Variants in PCCA observed in about 807,000 individuals in gnomAD.
PCCA encodes the protein propionyl-CoA carboxylase alpha chain, mitochondrial.
Under a neutral mutation model 101.3 loss-of-function variants are expected in PCCA, and 74 were observed. That is an observed-to-expected ratio of 0.73 (90% confidence interval 0.61 to 0.89). PCCA has a LOEUF of 0.89. Among genes scored for constraint, PCCA ranks in the 40% least tolerant of loss-of-function variants. The pLI is 0.00. For missense variants in PCCA, 891 were observed against 907.0 expected (o/e 0.98, Z 0.23); for synonymous variants, 294 against 313.6 (o/e 0.94, Z 0.66).
chr13:100,111,773 G>C, intron 2 of PCCA, 68 bp from the exon 3 acceptor site: 2 of 1,073,288 alleles, frequency 1.9e-6, no homozygotes, highest in South Asian at 1.3e-5. Context: ...AAAACTTGGT[G>C]TTTTTTGGTC....
At chr13:100,526,508 CG>C (rs535924056) in intron 22 of PCCA, among the ~76,000 whole-genome samples, 71 of 152,280 alleles carry the variant, frequency 4.7e-4, no homozygotes, top group African/African-American at 1.7e-3. Context: ...TTGCGCCACA[CG>C]GGGGGGCCAG....
rs762657984 is a variant in PCCA, at chr13:100,209,485, T to C, written c.600+22T>C. 1.9e-6 allele frequency: 3 copies of C among 1,599,574 alleles called. No homozygotes were observed. In the African/African-American group the frequency reaches 4.0e-5, roughly 21 times the overall value. ...CAAGGTGAGAAGCTACTTTAACTTT[T>C]ATTGTATATGTCTTCAAGTTAAACA... On this transcript the variant is annotated intron_variant, in intron 7 of 23. Coordinates refer to ENST00000376285, the MANE Select transcript of PCCA (RefSeq NM_000282.4).
intron 2 of PCCA, among the ~76,000 whole-genome samples, chr13:100,110,471 G>A (rs544646974): frequency 1.3e-5 from 2 of 152,300 alleles, no homozygotes; most frequent in South Asian, 4.1e-4. Flanking sequence ...GGTCATTAGT[G>A]GCAAAGCTGG....
At chr13:100,368,390 C>A in intron 18 of PCCA, 82 bp from the exon 19 acceptor site, 2 of 793,574 alleles carry the variant, frequency 2.5e-6, no homozygotes, top group Non-Finnish European at 4.3e-6. Flanking sequence ...TTAGCCTGTG[C>A]ATTTTATATC....
intron 19 of PCCA, among the ~76,000 whole-genome samples, chr13:100,402,768 G>C (rs1287472599): frequency 6.6e-6 from 1 of 152,164 alleles, no homozygotes; most frequent in Admixed American, 6.5e-5. Context: ...AGAAAATCAA[G>C]AGCAAACTGA....
At chr13:100,468,202 C>T (rs2082689748) in intron 21 of PCCA, among the ~76,000 whole-genome samples, 1 of 152,214 alleles carries the variant, frequency 6.6e-6, no homozygotes, top group South Asian at 2.1e-4. Flanking sequence ...AACAGATGTG[C>T]TGTCATCCAG....
At chr13:100,505,009 G>C (rs1354060701) in intron 21 of PCCA, among the ~76,000 whole-genome samples, 1 of 152,182 alleles carries the variant, frequency 6.6e-6, no homozygotes, top group East Asian at 1.9e-4. Context: ...GAAGGAATCT[G>C]AGACATGGAA....
intron 4 of PCCA, among the ~76,000 whole-genome samples, chr13:100,115,962 T>G (rs1193127458): frequency 6.6e-6 from 1 of 152,158 alleles, no homozygotes; most frequent in African/African-American, 2.4e-5. Context: ...ATACTATAAG[T>G]AAAAGCAGGA....
chr13:100,096,865 T>C (rs2046819915), intron 1 of PCCA, among the ~76,000 whole-genome samples: 1 of 152,148 alleles, frequency 6.6e-6, no homozygotes, highest in African/African-American at 2.4e-5. Context: ...GAAGAAAACT[T>C]GGAAGCAGAG....
intron 21 of PCCA, among the ~76,000 whole-genome samples, chr13:100,463,138 G>T (rs2082280048): frequency 1.3e-5 from 2 of 152,152 alleles, no homozygotes; most frequent in South Asian, 2.1e-4. Flanking sequence ...AAGTGTTTAA[G>T]GAAGAGCAGA....
At chr13:100,223,316 G>A (rs558146620) in intron 7 of PCCA, among the ~76,000 whole-genome samples, 24 of 152,212 alleles carry the variant, frequency 1.6e-4, no homozygotes, top group African/African-American at 4.8e-4. Flanking sequence ...TTAAGGTGGC[G>A]CGTCTGGAGT....
rs759924381 is a variant in PCCA at position 100,155,069 on chromosome 13, A to G, written c.391A>G (p.Ile131Val). The stretch of plus-strand genomic sequence containing the variant: ...CAACATGGATGCCATCATGGAAGCC[A>G]TTAAGAAAACCAGGGCCCAAGCTGT... ...YLNMDAIMEAIKKTRAQAVHP... is the reference protein window; with the variant it reads ...YLNMDAIMEAVKKTRAQAVHP... The change falls in exon 5 of 24, where the codon ATT becomes GTT. Residue 131 changes from isoleucine to valine, a missense_variant. By Grantham distance (29) the Ile-to-Val change is conservative. Coordinates refer to ENST00000376285, the MANE Select transcript of PCCA (RefSeq NM_000282.4). 22 of 1,613,556 alleles carry G rather than the reference A, an allele frequency of 1.4e-5. No homozygotes were observed. Among genetic ancestry groups the G allele is most frequent in the Non-Finnish European group, 1.9e-5 (22 of 1,179,590 alleles).
intron 20 of PCCA, among the ~76,000 whole-genome samples, chr13:100,446,085 G>GC (rs575074395): frequency 7.9e-4 from 120 of 152,188 alleles, no homozygotes; most frequent in African/African-American, 2.7e-3. Context: ...TGGTGCCCAG[G>GC]CTGGAGTGCT....
intron 20 of PCCA, among the ~76,000 whole-genome samples, chr13:100,440,060 G>C (rs1462249094): frequency 6.7e-6 from 1 of 150,234 alleles, no homozygotes; most frequent in Non-Finnish European, 1.5e-5. Context: ...CTATGTTAAA[G>C]CAGACAAATT....
At chr13:100,280,626 G>A (rs1364266953) in intron 12 of PCCA, among the ~76,000 whole-genome samples, 2 of 152,052 alleles carry the variant, frequency 1.3e-5, no homozygotes, top group African/African-American at 2.4e-5. Context: ...ACGGACACTA[G>A]GATTTTGTTA....
chr13:100,300,304 G>C (rs908222175), intron 12 of PCCA, among the ~76,000 whole-genome samples: 2 of 152,030 alleles, frequency 1.3e-5, no homozygotes, highest in Non-Finnish European at 2.9e-5. Context: ...AACTCAACAC[G>C]CACAAAGCTA....
At chr13:100,430,015 G>C (rs1435604348) in intron 20 of PCCA, among the ~76,000 whole-genome samples, 1 of 152,010 alleles carries the variant, frequency 6.6e-6, no homozygotes, top group Non-Finnish European at 1.5e-5. Context: ...TGTGGCTCAC[G>C]CCTGTAATCC....
At chr13:100,093,994 C>T (rs531525458) in intron 1 of PCCA, among the ~76,000 whole-genome samples, 23 of 151,938 alleles carry the variant, frequency 1.5e-4, no homozygotes, top group African/African-American at 5.3e-4. Context: ...TTTGGGAGGC[C>T]GAGGCAGGCA....
chr13:100,398,462 A>G (rs182699578), intron 19 of PCCA, among the ~76,000 whole-genome samples: 1 of 152,280 alleles, frequency 6.6e-6, no homozygotes, highest in East Asian at 1.9e-4. Flanking sequence ...AGCATTCTGT[A>G]TGTATCATTT....
Sources: allele counts gnomAD v4.1 joint callset (sites outside exome capture counted in the v4.1 genomes callset), GRCh38; gene constraint gnomAD v4.1.1; transcripts MANE v1.5; gene names NCBI Gene and HGNC (gene_info 2026-07-23, HGNC 2026-07-21).